Variants in ZFHX3 observed in about 807,000 individuals in gnomAD.
ZFHX3 encodes the protein zinc finger homeobox protein 3.
A neutral mutation model predicts 279.1 loss-of-function variants in ZFHX3; 42 were observed. That is an observed-to-expected ratio of 0.15 (90% CI 0.12 to 0.19). ZFHX3 has a LOEUF of 0.19. Among genes scored for constraint, ZFHX3 ranks in the 10% least tolerant of loss-of-function variants. The pLI is 1.00. For synonymous variants in ZFHX3, 2,293 were observed against 1,957.8 expected (o/e 1.17, Z -4.52); for missense variants, 4,981 against 4,754.0 (o/e 1.05, Z -1.40).
intron 1 of ZFHX3, among the ~76,000 whole-genome samples, chr16:73,862,789 A>G (rs1475932163): frequency 6.6e-6 from 1 of 152,052 alleles, no homozygotes; most frequent in East Asian, 1.9e-4. Context: ...CAATCAATCA[A>G]TCAATGTAAA....
intron 1 of ZFHX3, among the ~76,000 whole-genome samples, chr16:73,783,051 G>C (rs540732308): frequency 6.6e-6 from 1 of 152,086 alleles, no homozygotes. Context: ...AGAGAGGGGG[G>C]CACTGAAATG....
intron 2 of ZFHX3, among the ~76,000 whole-genome samples, chr16:73,566,253 G>A (rs2020449486): frequency 6.6e-6 from 1 of 152,212 alleles, no homozygotes; most frequent in African/African-American, 2.4e-5. Context: ...AAAATCAGAT[G>A]GCTTCTCCTG....
At position 72,883,123 on chromosome 16, in the gene ZFHX3, G is replaced by GC. The variant is rs1429350777; in HGVS notation, c.3448+6607dup. The stretch of plus-strand genomic sequence containing the variant: ...TAAGACAAGGAATATGTAATCAGAA[G>GC]CCATCACAATTACAAATGTAAATGA... On this transcript the variant is annotated intron_variant, in intron 4 of 9. Transcript: ENST00000268489. 2.7e-5 allele frequency among the ~76,000 whole-genome samples: 4 copies of GC among 150,732 alleles called. No individual in the cohort carries two copies. The East Asian group carries it at 7.9e-4, about 30-fold the overall frequency.
At chr16:72,876,115 C>T (rs1332906776) in intron 4 of ZFHX3, among the ~76,000 whole-genome samples, 1 of 152,124 alleles carries the variant, frequency 6.6e-6, no homozygotes, top group South Asian at 2.1e-4. Context: ...CCAACTTCGC[C>T]GCTTCATAAA....
chr16:73,594,257 A>T (rs897749598), intron 2 of ZFHX3, among the ~76,000 whole-genome samples: 5 of 152,216 alleles, frequency 3.3e-5, no homozygotes, highest in Non-Finnish European at 7.4e-5. Flanking sequence ...TATCATGTAA[A>T]ATAGCATAAA....
At chr16:73,442,235 G>C (rs1195926913) in intron 3 of ZFHX3, among the ~76,000 whole-genome samples, 1 of 152,206 alleles carries the variant, frequency 6.6e-6, no homozygotes. Context: ...GAGGCTAGAA[G>C]TCCGAGATCA....
chr16:72,880,063 T>G (rs554292115), intron 4 of ZFHX3, among the ~76,000 whole-genome samples: 2 of 152,272 alleles, frequency 1.3e-5, no homozygotes, highest in East Asian at 3.9e-4. Context: ...GTTAATCCCA[T>G]GCCAAGGCCA....
intron 2 of ZFHX3, among the ~76,000 whole-genome samples, chr16:73,497,489 T>G (rs1359303522): frequency 2.0e-5 from 3 of 151,970 alleles, no homozygotes; most frequent in African/African-American, 7.3e-5. Flanking sequence ...GGCAACAAAG[T>G]GACACCCAAT....
chr16:72,904,510 C>G (rs1321410082), intron 3 of ZFHX3, among the ~76,000 whole-genome samples: 1 of 152,060 alleles, frequency 6.6e-6, no homozygotes, highest in African/African-American at 2.4e-5. Flanking sequence ...CTTTCAAGAC[C>G]TATCTAATCC....
chr16:73,658,895 A>T (rs1318381654), intron 2 of ZFHX3, among the ~76,000 whole-genome samples: 1 of 152,218 alleles, frequency 6.6e-6, no homozygotes, highest in Non-Finnish European at 1.5e-5. Context: ...CTTAAAAATA[A>T]ACATAAATAA....
chr16:73,382,734 G>A (rs2016837044), intron 3 of ZFHX3, among the ~76,000 whole-genome samples: 1 of 152,140 alleles, frequency 6.6e-6, no homozygotes, highest in African/African-American at 2.4e-5. Flanking sequence ...TCCTTGAGCT[G>A]ACTCCTTGAT....
intron 1 of ZFHX3, among the ~76,000 whole-genome samples, chr16:73,045,769 T>G (rs1203833982): frequency 8.9e-6 from 1 of 112,098 alleles, no homozygotes; most frequent in Non-Finnish European, 1.7e-5. Flanking sequence ...CTCTATTTCA[T>G]AGAAAGTACA....
chr16:72,803,638 C>G (rs2143519507), intron 7 of ZFHX3, among the ~76,000 whole-genome samples: 1 of 152,286 alleles, frequency 6.6e-6, no homozygotes, highest in East Asian at 1.9e-4. Flanking sequence ...TAAGGTTTGG[C>G]CAGGTGACAG....
At chr16:72,871,151 A>C (rs1001608145) in intron 4 of ZFHX3, among the ~76,000 whole-genome samples, 7 of 152,172 alleles carry the variant, frequency 4.6e-5, no homozygotes, top group African/African-American at 1.7e-4. Context: ...CTTTTCTATA[A>C]GTCTGAAATT....
Position 73,026,030 on chromosome 16 carries a change from TG to T in ZFHX3, c.-50+21721del, listed in dbSNP as rs1443323739. Among the ~76,000 whole-genome samples, 3 of 151,904 alleles carry T rather than the reference TG, an allele frequency of 2.0e-5. 1 individual carries two copies. The highest frequency in any genetic ancestry group is 1.3e-4 in the Admixed American group (2 of 15,248). On this transcript the variant is annotated intron_variant, in intron 1 of 9. Transcript: ENST00000268489. ...TCCCAAAAGGAACACACCCATGTCT[TG>T]GCAGTCTCCGATAGGCTGAAATAGT... is the stretch of plus-strand genomic sequence containing the variant.
intron 3 of ZFHX3, among the ~76,000 whole-genome samples, chr16:73,413,757 T>C (rs1352067792): frequency 5.3e-5 from 8 of 152,190 alleles, no homozygotes; most frequent in Admixed American, 4.6e-4. Context: ...ATTGTTCATG[T>C]TATGCATTTG....
intron 3 of ZFHX3, among the ~76,000 whole-genome samples, chr16:72,918,083 G>A (rs944300224): frequency 1.3e-5 from 2 of 152,132 alleles, no homozygotes; most frequent in Admixed American, 1.3e-4. Flanking sequence ...TAAAAGACTA[G>A]AACATTAATG....
intron 5 of ZFHX3, chr16:73,144,288 G>C (rs1187935450): frequency 1.3e-5 from 2 of 156,282 alleles, no homozygotes; most frequent in Non-Finnish European, 2.8e-5. Context: ...GATTCAAATG[G>C]TGTTAACTAC....
At position 73,188,640 on chromosome 16, in the gene ZFHX3, T is replaced by G. The variant is rs543648782; in HGVS notation, c.-1103-44809A>C. ...TCCTATCACTTGGTCCTGCATGTTGTAGAATAAAGCCCTGGCATCTCTGAA... is the reference window on the plus strand; with the variant it reads ...TCCTATCACTTGGTCCTGCATGTTGGAGAATAAAGCCCTGGCATCTCTGAA... On this transcript the variant is annotated intron_variant, in intron 5 of 17. Transcript: ENST00000641206. Among the ~76,000 whole-genome samples, 75 of 152,318 alleles carry G rather than the reference T, an allele frequency of 4.9e-4. 1 individual carries two copies. Among genetic ancestry groups the G allele is most frequent in the African/African-American group, 1.7e-3 (71 of 41,582 alleles).
Sources: gnomAD v4.1 joint callset for allele counts (sites outside exome capture counted in the v4.1 genomes callset) on GRCh38, gnomAD v4.1.1 for gene constraint, MANE v1.5 for transcripts, NCBI Gene and HGNC (gene_info 2026-07-23, HGNC 2026-07-21) for gene names.